The following COPB1 variants were observed in gnomAD, a reference collection of about 807,000 sequenced individuals.
COPB1 encodes coat protein complex I subunit beta 1, also known as coatomer subunit beta.
A neutral mutation model predicts 108.7 loss-of-function variants in COPB1; 21 were observed. That is an observed-to-expected ratio of 0.19 (90% confidence interval 0.14 to 0.28). The LOEUF is 0.28. Ranked by LOEUF, COPB1 falls within the 10% of genes least tolerant of loss-of-function variation. COPB1 has a pLI of 1.00. For missense variants in COPB1, 919 were observed against 1,141.3 expected (o/e 0.81, Z 2.81); for synonymous variants, 378 against 386.8 (o/e 0.98, Z 0.27).
At chr11:14,481,510 A>G (rs1850658066) in intron 8 of COPB1, among the ~76,000 whole-genome samples, 1 of 152,252 alleles carries the variant, frequency 6.6e-6, no homozygotes, top group Admixed American at 6.5e-5. Context: ...AGAGACTGAA[A>G]GGGCATAACC....
At chr11:14,473,352 G>A (rs1053388177) in intron 14 of COPB1, among the ~76,000 whole-genome samples, 6 of 152,072 alleles carry the variant, frequency 3.9e-5, no homozygotes, top group African/African-American at 1.2e-4. Context: ...GCATAACTTG[G>A]CTACCTACTT....
chr11:14,463,530 C>G (rs1850208260), intron 18 of COPB1, among the ~76,000 whole-genome samples: 2 of 152,146 alleles, frequency 1.3e-5, no homozygotes, highest in Non-Finnish European at 2.9e-5. Context: ...GTTGGCCAGG[C>G]TGGTCTTGAG....
intron 2 of COPB1, 26 bp downstream of exon 2, chr11:14,498,812 A>G: frequency 6.5e-7 from 1 of 1,527,944 alleles, no homozygotes; most frequent in Non-Finnish European, 8.9e-7. Flanking sequence ...TTTTCATTTC[A>G]TTCTCAAAAT....
rs765684831 is a variant in COPB1, at chr11:14,479,724, A to T, written c.1213-10T>A. 5 of 1,517,188 alleles carry T rather than the reference A, an allele frequency of 3.3e-6. No individual in the cohort carries two copies. In the African/African-American group the frequency reaches 7.0e-5, roughly 21 times the overall value. 94.0% of individuals were successfully genotyped at this position (1,517,188 alleles called of 1,614,324 possible). A position where few individuals can be genotyped will look rare whatever the true frequency, so the allele number is the denominator to read the frequency against. ...TGAGAAATTCCATTAACTAAAAGAA[A>T]AAAAAAAAAAAGAAAATGGAACTAA... On this transcript the variant is annotated splice_polypyrimidine_tract_variant and intron_variant, in intron 10 of 21. Transcript: ENST00000439561.
Position 14,498,856 on chromosome 11 carries a change from T to G in COPB1, c.73A>C (p.Ser25Arg). ...AGTTTACCTAGATCATTTTTTAAGCTAATTTCAGATGGTGGTTCTGAATCC... is the reference window on the plus strand; with the variant it reads ...AGTTTACCTAGATCATTTTTTAAGCGAATTTCAGATGGTGGTTCTGAATCC... ...PMDSEPPSEISLKNDLEKGDV... is the reference protein window; with the variant it reads ...PMDSEPPSEIRLKNDLEKGDV... Residue 25 changes from serine to arginine, a missense_variant, in exon 2 of 22, where the codon AGC becomes CGC. This residue lies in a region of COPB1 where 92 missense variants were observed against 108.4 expected (regional missense o/e 0.85). Coordinates refer to ENST00000439561, the MANE Select transcript of COPB1 (RefSeq NM_001144061.2). The G allele has an allele frequency of 6.2e-7, 1 of 1,604,502 alleles. No individual in the cohort carries two copies. The highest frequency in any genetic ancestry group is 8.5e-7 in the Non-Finnish European group (1 of 1,177,394).
intron 2 of COPB1, among the ~76,000 whole-genome samples, chr11:14,497,842 A>G (rs904030118): frequency 6.6e-6 from 1 of 152,238 alleles, no homozygotes; most frequent in African/African-American, 2.4e-5. Flanking sequence ...CATATACACA[A>G]TGGAGTACTA....
At chr11:14,476,842 CA>C in intron 12 of COPB1, 76 bp downstream of exon 12, 1 of 801,472 alleles carries the variant, frequency 1.2e-6, no homozygotes, top group Admixed American at 2.0e-5. Flanking sequence ...ATAATGTAAG[CA>C]AATCACTATA....
intron 5 of COPB1, among the ~76,000 whole-genome samples, chr11:14,489,772 G>A (rs1250537164): frequency 6.6e-6 from 1 of 151,932 alleles, no homozygotes; most frequent in African/African-American, 2.4e-5. Flanking sequence ...AGTTTTGCAA[G>A]ACAAAAAAAG....
In COPB1 at chr11:14,474,289, A is replaced by C. The variant is rs146352965; in HGVS notation, c.1737+206T>G. ...ACATTGTTATTGTATTACTTTGTCA[A>C]TTTTCATTTTTTTAAAGCCCAAACA... On this transcript the variant is annotated intron_variant, in intron 14 of 21. Transcript: ENST00000439561. 6.1e-4 allele frequency: 230 copies of C among 374,478 alleles called. 1 individual carries two copies. The highest frequency in any genetic ancestry group is 4.3e-3 in the African/African-American group (211 of 49,422). 23.2% of individuals were successfully genotyped at this position (374,478 alleles called of 1,614,324 possible). A position where few individuals can be genotyped will look rare whatever the true frequency, so the allele number is the denominator to read the frequency against.
chr11:14,470,944 A>ACACACACACTCTCTCTCT (rs1285522756), intron 14 of COPB1, among the ~76,000 whole-genome samples: 6 of 90,210 alleles, frequency 6.7e-5, no homozygotes, highest in African/African-American at 3.1e-4. Context: ...ACACACACAC[A>ACACACACACTCTCTCTCT]CTCTCTCTCT....
At chr11:14,497,110 C>G (rs1464859122) in intron 2 of COPB1, among the ~76,000 whole-genome samples, 1 of 152,194 alleles carries the variant, frequency 6.6e-6, no homozygotes, top group Non-Finnish European at 1.5e-5. Context: ...TGGGAAAAAT[C>G]TCCAGGACGC....
intron 2 of COPB1, among the ~76,000 whole-genome samples, chr11:14,497,157 G>GGCA (rs1220034939): frequency 6.6e-6 from 1 of 152,034 alleles, no homozygotes; most frequent in Non-Finnish European, 1.5e-5. Context: ...ATACCCCACA[G>GGCA]GCACAGGCAA....
intron 7 of COPB1, among the ~76,000 whole-genome samples, chr11:14,486,071 G>A (rs1850766213): frequency 1.3e-5 from 2 of 152,262 alleles, no homozygotes; most frequent in South Asian, 4.1e-4. Context: ...GCTGTCTCAG[G>A]AGTAGCAGAG....
intron 6 of COPB1, among the ~76,000 whole-genome samples, chr11:14,487,033 G>C (rs1018047859): frequency 3.2e-4 from 49 of 152,054 alleles, no homozygotes; most frequent in Non-Finnish European, 1.5e-4. Context: ...GCTAATAAAA[G>C]GAAAATACCA....
Position 14,465,062 on chromosome 11 carries a change from T to TACACACACAC in COPB1, c.2291-42_2291-33dup, listed in dbSNP as rs3835110. On this transcript the variant is annotated intron_variant, in intron 17 of 21. Coordinates refer to ENST00000439561, the MANE Select transcript of COPB1 (RefSeq NM_001144061.2). ...GAAAGAGTTTGGATATGGTTAAAAA[T>TACACACACAC]ACACACACACACACACACACACACA... The TACACACACAC allele has an allele frequency of 7.9e-5, 88 of 1,113,588 alleles. 1 individual carries two copies. Among genetic ancestry groups the TACACACACAC allele is most frequent in the East Asian group, 4.5e-4 (15 of 33,198 alleles). The allele number at this position is 1,113,588 out of a possible 1,614,324, so 69.0% of individuals were successfully genotyped here. A position where few individuals can be genotyped will look rare whatever the true frequency, so the allele number is the denominator to read the frequency against.
At chr11:14,464,832 A>T in intron 18 of COPB1, 79 bp downstream of exon 18, 1 of 1,471,388 alleles carries the variant, frequency 6.8e-7, no homozygotes, top group Non-Finnish European at 9.3e-7. Context: ...CTCTCCTCAT[A>T]CAATGTCCCC....
intron 14 of COPB1, among the ~76,000 whole-genome samples, chr11:14,471,966 G>A (rs1017084149): frequency 1.3e-5 from 2 of 152,100 alleles, no homozygotes; most frequent in Admixed American, 6.6e-5. Flanking sequence ...CTCCAAAAAC[G>A]AAGGAAATAT....
intron 13 of COPB1, 131 bp from the exon 14 acceptor site, chr11:14,474,746 C>A: frequency 7.8e-7 from 1 of 1,282,658 alleles, no homozygotes; most frequent in Non-Finnish European, 1.0e-6. Flanking sequence ...CCTTAGCTAA[C>A]TAACTCCTTA....
intron 20 of COPB1, among the ~76,000 whole-genome samples, chr11:14,459,246 GTTTAC>G (rs1339602014): frequency 3.4e-5 from 3 of 87,942 alleles, no homozygotes; most frequent in Non-Finnish European, 7.0e-5. Flanking sequence ...TATATATTCT[GTTTAC>G]TTAACTTGCT....
Sources: allele counts gnomAD v4.1 joint callset (sites outside exome capture counted in the v4.1 genomes callset), GRCh38; gene constraint gnomAD v4.1.1; regional missense constraint gnomAD v4.1.1; transcripts MANE v1.5; gene names NCBI Gene and HGNC (gene_info 2026-07-23, HGNC 2026-07-21).